The following MORN1 variants were observed in gnomAD, a reference collection of about 807,000 sequenced individuals.
MORN1 encodes MORN repeat-containing protein 1.
In MORN1, 67 loss-of-function variants were observed where a neutral mutation model predicts 61.9. The observed-to-expected ratio is 1.08, with a 90% CI of 0.89 to 1.33. The LOEUF (loss-of-function observed/expected upper bound fraction) is 1.33. Among genes scored for constraint, MORN1 ranks in the 40% most tolerant of loss-of-function variants. The pLI is 0.00. For missense variants in MORN1, 752 were observed against 691.2 expected (o/e 1.09, Z -0.99); for synonymous variants, 301 against 292.0 (o/e 1.03, Z -0.31).
chr1:2,349,545 T>C (rs1461634817), intron 10 of MORN1, among the ~76,000 whole-genome samples: 3 of 152,236 alleles, frequency 2.0e-5, no homozygotes, highest in Non-Finnish European at 2.9e-5. Flanking sequence ...AGTCCCTCTA[T>C]ATGATGTGAT....
chr1:2,323,550 G>T (rs970790086), intron 13 of MORN1: 3 of 985,244 alleles, frequency 3.0e-6, no homozygotes, highest in Non-Finnish European at 3.6e-6. Flanking sequence ...TGGTGGGGGG[G>T]TGCCAGGCCC....
At chr1:2,384,848 G>A (rs1188429513) in intron 6 of MORN1, 130 bp downstream of exon 6, 56 of 720,636 alleles carry the variant, frequency 7.8e-5, no homozygotes, top group East Asian at 3.4e-4. Context: ...CTTCCCACAC[G>A]GGATCAGGGA....
chr1:2,369,739 A>G (rs1160262369), intron 8 of MORN1, among the ~76,000 whole-genome samples: 3 of 152,150 alleles, frequency 2.0e-5, no homozygotes, highest in Non-Finnish European at 2.9e-5. Context: ...TTATAATTCA[A>G]TATCTAATAA....
chr1:2,348,014 G>A (rs1326573483), intron 10 of MORN1, among the ~76,000 whole-genome samples: 1 of 152,200 alleles, frequency 6.6e-6, no homozygotes, highest in Admixed American at 6.5e-5. Flanking sequence ...GCACGCCTCG[G>A]GGTCAGACCC....
chr1:2,338,221 G>A (rs2100259219), intron 10 of MORN1, among the ~76,000 whole-genome samples: 1 of 152,278 alleles, frequency 6.6e-6, no homozygotes, highest in African/African-American at 2.4e-5. Context: ...CAAATTACAG[G>A]TGGGAGAATT....
rs2643890 is a variant in MORN1, at chr1:2,357,096, C to G, written c.1036+336G>C. On this transcript the variant is annotated intron_variant, in intron 10 of 13. Transcript: ENST00000378531. This position sits in a 1 kb window ranked among gnomAD's most constrained non-coding sequence, Gnocchi z 6.3. ...CCCGGGCGGCAGGAGTGGCTGGGGCCGTGTCCAGGCTGGCCACTGGCCTCG... is the reference window on the plus strand; with the variant it reads ...CCCGGGCGGCAGGAGTGGCTGGGGCGGTGTCCAGGCTGGCCACTGGCCTCG... 0.16 allele frequency among the ~76,000 whole-genome samples: 23,697 copies of G among 152,148 alleles called. 2,563 individuals carry two copies. Among genetic ancestry groups the G allele is most frequent in the Admixed American group, 0.32 (4,866 of 15,292 alleles).
At chr1:2,390,069 G>A in intron 1 of MORN1, 73 bp from the exon 2 acceptor site, 1 of 1,413,430 alleles carries the variant, frequency 7.1e-7, no homozygotes, top group Non-Finnish European at 1.0e-6. Context: ...GCTGAAGGAG[G>A]GAGTGCAGCT....
At chr1:2,351,827 T>C (rs2840526) in intron 10 of MORN1, 133,599 of 534,738 alleles carry the variant, frequency 0.25, 21,159 homozygotes, top group African/African-American at 0.51. Flanking sequence ...GGTCCGTGTG[T>C]GGCAGCATCT....
intron 10 of MORN1, among the ~76,000 whole-genome samples, chr1:2,343,000 A>G (rs1641435839): frequency 6.6e-6 from 1 of 151,760 alleles, no homozygotes; most frequent in Admixed American, 6.6e-5. Flanking sequence ...CAGCCTCCCA[A>G]AGTGCTGGGA....
At chr1:2,385,780 G>A in intron 5 of MORN1, 27 bp downstream of exon 5, 6 of 1,601,640 alleles carry the variant, frequency 3.7e-6, no homozygotes, top group South Asian at 3.3e-5. Flanking sequence ...TCATGCGCCA[G>A]GCAGTACCCA....
At chr1:2,355,116 G>A (rs1246895685) in intron 10 of MORN1, 2 of 1,058,830 alleles carry the variant, frequency 1.9e-6, no homozygotes, top group Non-Finnish European at 2.3e-6. Flanking sequence ...ATGCAGGCAC[G>A]AGGCTGGTTT....
At chr1:2,362,890 T>C (rs1277023562) in intron 8 of MORN1, among the ~76,000 whole-genome samples, 3 of 150,748 alleles carry the variant, frequency 2.0e-5, no homozygotes, top group Non-Finnish European at 4.4e-5. Context: ...AAAATCAAGA[T>C]GTTTCCAGAC....
Position 2,357,379 on chromosome 1 carries a change from G to T in MORN1, c.1036+53C>A. Reference sequence around the variant, plus strand: ...GTCCCCATGACCCCACCCCCACCTTGACTGCTGGGCCTGGGCCCACCCACC... The same window carrying T: ...GTCCCCATGACCCCACCCCCACCTTTACTGCTGGGCCTGGGCCCACCCACC... On this transcript the variant is annotated intron_variant, in intron 10 of 13. Transcript: ENST00000378531. This position sits in a 1 kb window ranked among gnomAD's most constrained non-coding sequence, Gnocchi z 6.3. 18 of 1,494,758 alleles carry T rather than the reference G, an allele frequency of 1.2e-5. No individual in the cohort carries two copies. Among genetic ancestry groups the T allele is most frequent in the Admixed American group, 4.3e-5 (2 of 46,436 alleles). The allele number at this position is 1,494,758 out of a possible 1,614,324, so 92.6% of individuals were successfully genotyped here. A position where few individuals can be genotyped will look rare whatever the true frequency, so the allele number is the denominator to read the frequency against.
intron 10 of MORN1, among the ~76,000 whole-genome samples, chr1:2,342,804 C>A (rs892171020): frequency 8.0e-5 from 12 of 149,990 alleles, no homozygotes; most frequent in South Asian, 2.1e-4. Context: ...CTGGGCTGGC[C>A]TTTCCTTTGC....
In MORN1 at chr1:2,355,079, C is replaced by T. The variant is rs940819551; in HGVS notation, c.1036+2353G>A. ...CCAGACTCAGGCAGTGGGGCCGGCGCGGGGGGCCCGCGCGGGGTAGGGTGC... is the reference window on the plus strand; with the variant it reads ...CCAGACTCAGGCAGTGGGGCCGGCGTGGGGGGCCCGCGCGGGGTAGGGTGC... On this transcript the variant is annotated intron_variant, in intron 10 of 13. Transcript: ENST00000378531. 5.6e-5 allele frequency: 49 copies of T among 880,164 alleles called. No individual in the cohort carries two copies. In the African/African-American group the frequency reaches 6.7e-4, roughly 12 times the overall value. The allele number at this position is 880,164 out of a possible 1,614,324, so 54.5% of individuals were successfully genotyped here. A position where few individuals can be genotyped will look rare whatever the true frequency, so the allele number is the denominator to read the frequency against.
At chr1:2,323,645 T>C in intron 13 of MORN1, 1 of 985,254 alleles carries the variant, frequency 1.0e-6, no homozygotes, top group Non-Finnish European at 1.2e-6. Context: ...CCCTCCTTGC[T>C]GTCCCCACAG....
chr1:2,374,416 C>T (rs755158111), intron 7 of MORN1, 45 bp downstream of exon 7: 4 of 1,514,542 alleles, frequency 2.6e-6, no homozygotes, highest in Non-Finnish European at 3.6e-6. Context: ...GGGACACACC[C>T]CACAGTGGAC....
chr1:2,368,133 A>G (rs1270263852), intron 8 of MORN1, among the ~76,000 whole-genome samples: 1 of 152,242 alleles, frequency 6.6e-6, no homozygotes, highest in African/African-American at 2.4e-5. Context: ...GTATTTGCAA[A>G]TTAGATATCT....
Position 2,344,911 on chromosome 1 carries a change from C to A in MORN1, c.1037-8061G>T, listed in dbSNP as rs143804555. On this transcript the variant is annotated intron_variant, in intron 10 of 13. Coordinates refer to ENST00000378531, the MANE Select transcript of MORN1 (RefSeq NM_024848.3). ...CTCTGTTGGCACAAAGCGAGAGCAT[C>A]AAAGACAGCGTCAGCCCCCGCGAGG... Among the ~76,000 whole-genome samples, 133 of 152,364 alleles carry A rather than the reference C, an allele frequency of 8.7e-4. 1 individual carries two copies. In the East Asian group the frequency reaches 0.023, roughly 27 times the overall value.
Sources: allele counts gnomAD v4.1 joint callset (sites outside exome capture counted in the v4.1 genomes callset), GRCh38; gene constraint gnomAD v4.1.1; non-coding constraint Gnocchi (gnomAD v3.1); transcripts MANE v1.5; gene names NCBI Gene and HGNC (gene_info 2026-07-23, HGNC 2026-07-21).